The following PBX3 variants were observed in gnomAD, a reference collection of about 807,000 sequenced individuals.
PBX3 encodes the protein pre-B-cell leukemia transcription factor 3.
Under a neutral mutation model 48.5 loss-of-function variants are expected in PBX3, and 14 were observed. The ratio of observed to expected loss-of-function variants is 0.29; its 90% CI spans 0.19 to 0.45. The LOEUF (loss-of-function observed/expected upper bound fraction) is 0.45. Ranked by LOEUF, PBX3 falls within the 20% of genes least tolerant of loss-of-function variation. The pLI is 1.00. For missense variants in PBX3, 386 were observed against 546.7 expected (o/e 0.71, Z 2.93); for synonymous variants, 210 against 200.3 (o/e 1.05, Z -0.41).
intron 2 of PBX3, among the ~76,000 whole-genome samples, chr9:125,764,175 T>C (rs1487752146): frequency 6.6e-6 from 1 of 152,138 alleles, no homozygotes; most frequent in African/African-American, 2.4e-5. Context: ...TTCCTGCCCC[T>C]CCCCCTGGTT....
At chr9:125,849,451 C>A (rs1839518080) in intron 2 of PBX3, among the ~76,000 whole-genome samples, 1 of 151,618 alleles carries the variant, frequency 6.6e-6, no homozygotes, top group Non-Finnish European at 1.5e-5. Context: ...ACTTGAAGTG[C>A]TATGTCACAG....
chr9:125,908,420 T>G (rs1055220874), intron 2 of PBX3, among the ~76,000 whole-genome samples: 2 of 152,020 alleles, frequency 1.3e-5, no homozygotes, highest in Non-Finnish European at 2.9e-5. Context: ...GGGAGCAGAA[T>G]GTGGGAATGG....
intron 5 of PBX3, among the ~76,000 whole-genome samples, chr9:125,949,137 G>T (rs114011122): frequency 0.012 from 1,849 of 152,276 alleles, 37 homozygotes; most frequent in African/African-American, 0.041. Flanking sequence ...TGTGTAGGAA[G>T]GCAGAGAAGT....
At chr9:125,948,744 A>G (rs1842123603) in intron 5 of PBX3, among the ~76,000 whole-genome samples, 2 of 152,018 alleles carry the variant, frequency 1.3e-5, no homozygotes, top group Admixed American at 6.6e-5. Context: ...ATACATGCAC[A>G]CAGTAAGTCC....
chr9:125,929,970 ACAGGTAATT>A, intron 4 of PBX3, 125 bp downstream of exon 4: 1 of 703,970 alleles, frequency 1.4e-6, no homozygotes, highest in Non-Finnish European at 2.5e-6. Context: ...TGTACAATGG[ACAGGTAATT>A]CAACTCATGG....
At chr9:125,792,981 A>G (rs1837655574) in intron 2 of PBX3, among the ~76,000 whole-genome samples, 1 of 151,856 alleles carries the variant, frequency 6.6e-6, no homozygotes, top group African/African-American at 2.4e-5. Context: ...TATAAGCGTG[A>G]GCCACCGCGC....
At chr9:125,841,121 A>G (rs970667611) in intron 2 of PBX3, among the ~76,000 whole-genome samples, 1 of 152,102 alleles carries the variant, frequency 6.6e-6, no homozygotes, top group African/African-American at 2.4e-5. Context: ...GATTATTCCT[A>G]TTTTTCACAT....
intron 2 of PBX3, among the ~76,000 whole-genome samples, chr9:125,803,533 C>A (rs1838031779): frequency 1.4e-5 from 2 of 147,950 alleles, no homozygotes; most frequent in Non-Finnish European, 3.0e-5. Context: ...TTTGTCATGA[C>A]CTTGGCATAA....
chr9:125,863,354 C>T (rs924986700), intron 2 of PBX3, among the ~76,000 whole-genome samples: 1 of 152,064 alleles, frequency 6.6e-6, no homozygotes, highest in Non-Finnish European at 1.5e-5. Context: ...CAGGTGCTTG[C>T]CACCACACTC....
At chr9:125,877,951 C>T (rs1424121224) in intron 2 of PBX3, among the ~76,000 whole-genome samples, 1 of 152,164 alleles carries the variant, frequency 6.6e-6, no homozygotes, top group Non-Finnish European at 1.5e-5. Flanking sequence ...TTAGAGTTCA[C>T]CATCATATAC....
intron 2 of PBX3, among the ~76,000 whole-genome samples, chr9:125,905,135 G>A (rs1841040801): frequency 1.3e-5 from 2 of 151,882 alleles, no homozygotes; most frequent in Admixed American, 1.3e-4. Context: ...TAAGCAACAA[G>A]GGAAGATGTA....
intron 2 of PBX3, among the ~76,000 whole-genome samples, chr9:125,791,563 C>T (rs1837611142): frequency 6.6e-6 from 1 of 152,172 alleles, no homozygotes; most frequent in South Asian, 2.1e-4. Flanking sequence ...CCCCTGCCCT[C>T]TCTTCCTCCT....
chr9:125,817,800 AT>A (rs72297490), intron 2 of PBX3, among the ~76,000 whole-genome samples: 8,984 of 152,204 alleles, frequency 0.059, 604 homozygotes, highest in East Asian at 0.17. Context: ...CACAGAAAAG[AT>A]TTGTTAGATT....
intron 5 of PBX3, among the ~76,000 whole-genome samples, chr9:125,953,318 T>C (rs142519829): frequency 2.1e-4 from 32 of 152,074 alleles, no homozygotes; most frequent in Non-Finnish European, 1.0e-4. Flanking sequence ...TTCTACAAAA[T>C]ACATAAAAAT....
At chr9:125,896,411 G>A (rs575408757) in intron 2 of PBX3, among the ~76,000 whole-genome samples, 3 of 152,080 alleles carry the variant, frequency 2.0e-5, no homozygotes. Flanking sequence ...CCTTACAGTG[G>A]AAATTTCCAA....
intron 2 of PBX3, among the ~76,000 whole-genome samples, chr9:125,819,711 T>TTA (rs1309251289): frequency 1.3e-5 from 2 of 151,944 alleles, no homozygotes; most frequent in East Asian, 1.9e-4. Flanking sequence ...ATCCAGTGTT[T>TTA]TATATATATA....
At chr9:125,813,771 A>G (rs1032131957) in intron 2 of PBX3, among the ~76,000 whole-genome samples, 13 of 152,028 alleles carry the variant, frequency 8.6e-5, no homozygotes, top group Non-Finnish European at 1.5e-5. Flanking sequence ...GGATAATGAC[A>G]TTGAGAAAAC....
intron 2 of PBX3, among the ~76,000 whole-genome samples, chr9:125,772,555 C>T (rs1836966539): frequency 6.6e-6 from 1 of 152,194 alleles, no homozygotes; most frequent in Non-Finnish European, 1.5e-5. Flanking sequence ...TACTTCTGAA[C>T]TGCTGCTTAA....
intron 2 of PBX3, among the ~76,000 whole-genome samples, chr9:125,799,330 T>A (rs1448527191): frequency 1.3e-5 from 2 of 152,124 alleles, no homozygotes. Context: ...CTGGGCAACA[T>A]GGCGAAACTC....
Sources: gnomAD v4.1 joint callset for allele counts (sites outside exome capture counted in the v4.1 genomes callset) on GRCh38, gnomAD v4.1.1 for gene constraint, MANE v1.5 for transcripts, NCBI Gene and HGNC (gene_info 2026-07-23, HGNC 2026-07-21) for gene names.